Variants in MAP7 observed in about 807,000 individuals in gnomAD.
MAP7 encodes ensconsin.
A neutral mutation model predicts 94.8 loss-of-function variants in MAP7; 52 were observed. The observed-to-expected ratio is 0.55, with a 90% CI of 0.44 to 0.69. MAP7 has a LOEUF of 0.69. MAP7 is among the 30% of genes least tolerant of loss of function. MAP7 has a pLI of 0.00. For missense variants in MAP7, 940 were observed against 964.6 expected, an observed-to-expected ratio of 0.97 and a Z score of 0.34; for synonymous variants, 350 against 357.0, an observed-to-expected ratio of 0.98 and a Z score of 0.22.
chr6:136,441,769 C>A (rs1342393102), intron 1 of MAP7, among the ~76,000 whole-genome samples: 6 of 152,158 alleles, frequency 3.9e-5, no homozygotes, highest in Admixed American at 6.5e-5. Context: ...AATCCCAACA[C>A]TTTGGAAGGC....
At chr6:136,519,269 C>T (rs1456467452) in intron 1 of MAP7, among the ~76,000 whole-genome samples, 1 of 152,124 alleles carries the variant, frequency 6.6e-6, no homozygotes, top group Non-Finnish European at 1.5e-5. Context: ...CTCAAGATTT[C>T]CTCCTCAAAA....
intron 1 of MAP7, among the ~76,000 whole-genome samples, chr6:136,521,346 G>A (rs1826356347): frequency 1.3e-5 from 2 of 152,174 alleles, no homozygotes. Context: ...ATAGTGGCAC[G>A]CTATGGAGGA....
rs1582653805 is a variant in MAP7, at chr6:136,356,917, G to C, written c.1913-123C>G. 21 of 698,956 alleles carry C rather than the reference G, an allele frequency of 3.0e-5. No individual in the cohort carries two copies. In the East Asian group the frequency reaches 5.3e-4, roughly 18 times the overall value. 43.3% of individuals were successfully genotyped at this position (698,956 alleles called of 1,614,324 possible). A position where few individuals can be genotyped will look rare whatever the true frequency, so the allele number is the denominator to read the frequency against. On this transcript the variant is annotated intron_variant, in intron 15 of 17. Coordinates refer to ENST00000354570, the MANE Select transcript of MAP7 (RefSeq NM_003980.6). The stretch of plus-strand genomic sequence containing the variant: ...TGCTACTTAAGTGATGTGAGACCTT[G>C]GGCACATCACCTAAACTCTCTGTGC...
At chr6:136,464,514 A>G (rs1220512248) in intron 1 of MAP7, among the ~76,000 whole-genome samples, 1 of 152,230 alleles carries the variant, frequency 6.6e-6, no homozygotes, top group Non-Finnish European at 1.5e-5. Context: ...AAACTTTGTC[A>G]TGGGTATATA....
At chr6:136,535,570 A>C (rs1828810708) in intron 1 of MAP7, among the ~76,000 whole-genome samples, 1 of 152,302 alleles carries the variant, frequency 6.6e-6, no homozygotes, top group Admixed American at 6.5e-5. Flanking sequence ...GTGGTGGGTA[A>C]GTTTGAGGCT....
At position 136,542,769 on chromosome 6, in the gene MAP7, A is replaced by G. The variant is rs772535668; in HGVS notation, c.67+7573T>C. Among the ~76,000 whole-genome samples, 5 of 152,310 alleles carry G rather than the reference A, an allele frequency of 3.3e-5. No homozygotes were observed. The East Asian group carries it at 9.7e-4, about 29-fold the overall frequency. On this transcript the variant is annotated intron_variant, in intron 1 of 17. Transcript: ENST00000354570. ...GAAAAAAGAATGAAGGAGAATAAAGATATTAGAGTCAAATATAAATTCCGT... is the reference window on the plus strand; with the variant it reads ...GAAAAAAGAATGAAGGAGAATAAAGGTATTAGAGTCAAATATAAATTCCGT...
At chr6:136,347,257 T>G (rs1390235493) in intron 16 of MAP7, among the ~76,000 whole-genome samples, 1 of 152,244 alleles carries the variant, frequency 6.6e-6, no homozygotes, top group Admixed American at 6.5e-5. Flanking sequence ...CTCAACAAAT[T>G]AACCTTAGTC....
chr6:136,463,765 G>C (rs1806017638), intron 1 of MAP7, among the ~76,000 whole-genome samples: 1 of 152,146 alleles, frequency 6.6e-6, no homozygotes, highest in Non-Finnish European at 1.5e-5. Context: ...AATGAGATTT[G>C]CCTGTGGTCA....
chr6:136,519,151 T>C (rs1052351726), intron 1 of MAP7, among the ~76,000 whole-genome samples: 16 of 152,192 alleles, frequency 1.1e-4, no homozygotes. Context: ...ATACATTAGA[T>C]GATGTGATCC....
chr6:136,542,285 C>A (rs1004103948), intron 1 of MAP7, among the ~76,000 whole-genome samples: 3 of 152,048 alleles, frequency 2.0e-5, no homozygotes, highest in African/African-American at 7.2e-5. Context: ...CGAGACAAAC[C>A]CTAAAACTGA....
At chr6:136,434,993 A>G (rs1795994973) in intron 1 of MAP7, among the ~76,000 whole-genome samples, 1 of 152,222 alleles carries the variant, frequency 6.6e-6, no homozygotes, top group Non-Finnish European at 1.5e-5. Context: ...TCCAATTACA[A>G]ATTCTAAATC....
intron 3 of MAP7, among the ~76,000 whole-genome samples, chr6:136,411,326 A>G (rs1210747086): frequency 6.6e-6 from 1 of 152,156 alleles, no homozygotes; most frequent in East Asian, 1.9e-4. Context: ...AAAGAACAAT[A>G]TGTTTACTGT....
Position 136,550,259 on chromosome 6 carries a change from C to A in MAP7, c.67+83G>T. On this transcript the variant is annotated intron_variant, in intron 1 of 17. Transcript: ENST00000354570. The surrounding 1 kb of genome is among the most constrained non-coding windows in gnomAD (Gnocchi z 5.1). ...CGGGCGGGGAGGGGGCTGCCGGCGC[C>A]GGGTGATTTCGGTGCCAGCCCGCCG... The A allele has an allele frequency of 8.1e-7, 1 of 1,238,796 alleles. No homozygotes were observed. The highest frequency in any genetic ancestry group is 1.0e-6 in the Non-Finnish European group (1 of 962,258). 76.7% of individuals were successfully genotyped at this position (1,238,796 alleles called of 1,614,324 possible).
intron 7 of MAP7, among the ~76,000 whole-genome samples, chr6:136,375,882 G>T (rs2128617107): frequency 6.6e-6 from 1 of 152,282 alleles, no homozygotes; most frequent in Middle Eastern, 3.4e-3. Context: ...AACAAAGAAG[G>T]GGAGAAGATG....
At chr6:136,526,074 G>A (rs1827767117) in intron 1 of MAP7, 1 of 1,433,876 alleles carries the variant, frequency 7.0e-7, no homozygotes, top group Middle Eastern at 2.6e-4. Flanking sequence ...CTGTTCATTT[G>A]AGCACTTGTA....
chr6:136,543,353 G>T (rs527369401), intron 1 of MAP7, among the ~76,000 whole-genome samples: 10 of 152,276 alleles, frequency 6.6e-5, no homozygotes, highest in African/African-American at 1.7e-4. Flanking sequence ...GACTCAAAAG[G>T]TTACACAATG....
chr6:136,439,337 C>A (rs1373497142), intron 1 of MAP7, among the ~76,000 whole-genome samples: 2 of 152,076 alleles, frequency 1.3e-5, no homozygotes, highest in Non-Finnish European at 2.9e-5. Context: ...CTTTTTGCCC[C>A]TTTTACTATA....
intron 2 of MAP7, among the ~76,000 whole-genome samples, chr6:136,414,051 C>T (rs1788409307): frequency 6.6e-6 from 1 of 151,434 alleles, no homozygotes; most frequent in Non-Finnish European, 1.5e-5. Flanking sequence ...AGATCGAGAC[C>T]ATCCTGGCTA....
intron 1 of MAP7, among the ~76,000 whole-genome samples, chr6:136,477,416 A>T (rs1312287613): frequency 6.6e-6 from 1 of 152,176 alleles, no homozygotes; most frequent in Non-Finnish European, 1.5e-5. Flanking sequence ...CATAATCTTG[A>T]TTTTCATTTG....
Sources: gnomAD v4.1 joint callset for allele counts (sites outside exome capture counted in the v4.1 genomes callset) on GRCh38, gnomAD v4.1.1 for gene constraint, Gnocchi (gnomAD v3.1) non-coding constraint, MANE v1.5 for transcripts, NCBI Gene and HGNC (gene_info 2026-07-23, HGNC 2026-07-21) for gene names.